Variants in MDGA2 observed in about 807,000 individuals in gnomAD.
The protein encoded by MDGA2 is MAM domain containing glycosylphosphatidylinositol anchor 2.
MDGA2 carries 40 observed loss-of-function variants against 117.8 expected under a neutral mutation model. The ratio of observed to expected loss-of-function variants is 0.34; its 90% CI spans 0.26 to 0.44. MDGA2 has a LOEUF of 0.44. Ranked by LOEUF, MDGA2 falls within the 20% of genes least tolerant of loss-of-function variation. The probability of loss-of-function intolerance (pLI) is 1.00; values close to 1 mark genes in which losing one functional copy is unlikely to be tolerated. For missense variants in MDGA2, 1,123 were observed against 1,250.6 expected (o/e 0.90, Z 1.54); for synonymous variants, 452 against 439.0 (o/e 1.03, Z -0.37).
At chr14:47,106,921 C>T (rs1594628063) in intron 5 of MDGA2, among the ~76,000 whole-genome samples, 2 of 127,806 alleles carry the variant, frequency 1.6e-5, no homozygotes, top group Non-Finnish European at 3.4e-5. Flanking sequence ...TTTAGTTATC[C>T]CCACCTGCCC....
At chr14:47,653,161 G>C (rs1897676369) in intron 1 of MDGA2, among the ~76,000 whole-genome samples, 1 of 152,080 alleles carries the variant, frequency 6.6e-6, no homozygotes, top group Non-Finnish European at 1.5e-5. Context: ...CACAGTTAAG[G>C]TCTTTTAAAA....
chr14:46,949,775 CCA>C (rs1566541000), intron 9 of MDGA2, among the ~76,000 whole-genome samples: 2 of 151,878 alleles, frequency 1.3e-5, no homozygotes. Context: ...TAGTTGGATT[CCA>C]TGACTTTGCT....
intron 1 of MDGA2, among the ~76,000 whole-genome samples, chr14:47,553,359 C>A (rs545949896): frequency 1.5e-4 from 23 of 152,276 alleles, no homozygotes; most frequent in African/African-American, 5.5e-4. Context: ...TAGAAATCAA[C>A]TAGTATATTA....
At chr14:47,121,311 A>C (rs1300737277) in intron 5 of MDGA2, among the ~76,000 whole-genome samples, 2 of 152,134 alleles carry the variant, frequency 1.3e-5, no homozygotes, top group African/African-American at 2.4e-5. Flanking sequence ...TAAATATAGA[A>C]TATTCCAAAA....
intron 1 of MDGA2, among the ~76,000 whole-genome samples, chr14:47,533,728 T>G (rs750824859): frequency 6.6e-6 from 1 of 152,222 alleles, no homozygotes; most frequent in Non-Finnish European, 1.5e-5. Context: ...TTAATGGATA[T>G]GTGTGTCTTT....
intron 1 of MDGA2, among the ~76,000 whole-genome samples, chr14:47,564,346 T>C (rs1017434408): frequency 6.6e-6 from 1 of 152,160 alleles, no homozygotes; most frequent in African/African-American, 2.4e-5. Context: ...GCTGGGCAAT[T>C]TGCTAAAGAA....
At chr14:47,086,862 A>G (rs1274860568) in intron 6 of MDGA2, among the ~76,000 whole-genome samples, 1 of 152,170 alleles carries the variant, frequency 6.6e-6, no homozygotes, top group African/African-American at 2.4e-5. Context: ...CACATTGCCT[A>G]TGCTTCAGTT....
chr14:47,017,226 C>A (rs1888114910), intron 8 of MDGA2, among the ~76,000 whole-genome samples: 1 of 147,716 alleles, frequency 6.8e-6, no homozygotes, highest in Non-Finnish European at 1.5e-5. Flanking sequence ...TATTTTAGAT[C>A]TAGAAAGGGA....
chr14:46,864,988 A>G (rs1031342209), intron 14 of MDGA2, among the ~76,000 whole-genome samples: 52 of 152,072 alleles, frequency 3.4e-4, no homozygotes, highest in Admixed American at 1.4e-3. Context: ...TTATCTTAAC[A>G]TTCTTTCTCA....
chr14:47,477,126 C>G (rs940366739), intron 1 of MDGA2, among the ~76,000 whole-genome samples: 3 of 152,206 alleles, frequency 2.0e-5, no homozygotes, highest in African/African-American at 7.2e-5. Context: ...CGTGCCATTG[C>G]ACTCCAGCCT....
At chr14:47,662,645 G>A (rs1327926841) in intron 1 of MDGA2, among the ~76,000 whole-genome samples, 2 of 152,166 alleles carry the variant, frequency 1.3e-5, no homozygotes, top group African/African-American at 2.4e-5. Context: ...CACACCAGCT[G>A]CTGCAATTGG....
chr14:47,373,997 T>C (rs970492040), intron 1 of MDGA2, among the ~76,000 whole-genome samples: 1 of 152,136 alleles, frequency 6.6e-6, no homozygotes, highest in Non-Finnish European at 1.5e-5. Flanking sequence ...TAGTGAAGAA[T>C]TCCCACTTAA....
chr14:46,975,994 C>G (rs1045471294), intron 8 of MDGA2, among the ~76,000 whole-genome samples: 3 of 152,030 alleles, frequency 2.0e-5, no homozygotes, highest in Non-Finnish European at 2.9e-5. Flanking sequence ...TACCTAACCA[C>G]GTTGGTGGTT....
At chr14:47,268,097 A>T in intron 2 of MDGA2, among the ~76,000 whole-genome samples, 1 of 148,916 alleles carries the variant, frequency 6.7e-6, no homozygotes, top group African/African-American at 2.5e-5. Context: ...TTTGAGACAG[A>T]GTTTCGTTCT....
At chr14:47,192,430 C>A (rs1449691121) in intron 3 of MDGA2, among the ~76,000 whole-genome samples, 1 of 152,038 alleles carries the variant, frequency 6.6e-6, no homozygotes, top group Non-Finnish European at 1.5e-5. Flanking sequence ...GCCTGGGCAA[C>A]ATGGCAAAAC....
At chr14:47,583,441 T>G (rs1298060636) in intron 1 of MDGA2, among the ~76,000 whole-genome samples, 1 of 151,880 alleles carries the variant, frequency 6.6e-6, no homozygotes, top group Non-Finnish European at 1.5e-5. Context: ...TCATTTATTT[T>G]CAGAGACTTT....
rs1357348077 is a variant in MDGA2, at chr14:47,495,276, G to A, written c.280+179241C>T. On this transcript the variant is annotated intron_variant, in intron 1 of 16. Transcript: ENST00000399232. Reference sequence around the variant, plus strand: ...CACTGGCGACTTCAAAAGGTAGGTGGGTGGGTGGTTGGGTGGCATGAGGGG... The same window carrying A: ...CACTGGCGACTTCAAAAGGTAGGTGAGTGGGTGGTTGGGTGGCATGAGGGG... 2.0e-5 allele frequency among the ~76,000 whole-genome samples: 3 copies of A among 151,976 alleles called. No individual in the cohort carries two copies. In the East Asian group the frequency reaches 5.8e-4, roughly 29 times the overall value.
At chr14:47,026,963 G>C (rs1027854250) in intron 8 of MDGA2, among the ~76,000 whole-genome samples, 1 of 152,016 alleles carries the variant, frequency 6.6e-6, no homozygotes, top group African/African-American at 2.4e-5. Context: ...CTTGAGGCCA[G>C]GAGTTTGAAT....
chr14:47,363,225 ATTAT>A (rs888511619), intron 1 of MDGA2, among the ~76,000 whole-genome samples: 6 of 152,048 alleles, frequency 3.9e-5, no homozygotes, highest in East Asian at 1.9e-4. Flanking sequence ...GTTGTATCAA[ATTAT>A]TTATTTATTT....
Sources: allele counts gnomAD v4.1 joint callset (sites outside exome capture counted in the v4.1 genomes callset), GRCh38; gene constraint gnomAD v4.1.1; transcripts MANE v1.5; gene names NCBI Gene and HGNC (gene_info 2026-07-23, HGNC 2026-07-21).